The following EXOC2 variants were observed in gnomAD, a reference collection of about 807,000 sequenced individuals.
EXOC2 encodes exocyst complex component 2, also known as SEC5-like 1.
EXOC2 carries 70 observed loss-of-function variants against 131.8 expected under a neutral mutation model. That is an observed-to-expected ratio of 0.53 (90% CI 0.44 to 0.65). The LOEUF is 0.65. EXOC2 is among the 30% of genes least tolerant of loss of function. EXOC2 has a pLI of 0.00. For synonymous variants in EXOC2, 411 were observed against 398.4 expected (o/e 1.03, Z -0.38); for missense variants, 923 against 1,108.6 (o/e 0.83, Z 2.38).
chr6:503,364 A>G (rs371248711), intron 23 of EXOC2, among the ~76,000 whole-genome samples: 97 of 152,310 alleles, frequency 6.4e-4, no homozygotes, highest in Middle Eastern at 3.4e-3. Context: ...GTAAGACCCC[A>G]AAGTGCTTAG....
Position 556,467 on chromosome 6 carries a change from G to C in EXOC2, c.1932+17C>G. The stretch of plus-strand genomic sequence containing the variant: ...CTCCCTGGGAAACTGGAGTCCAAGC[G>C]GAGCTGGAATACTTACACTGGCCTC... On this transcript the variant is annotated intron_variant, in intron 18 of 27. Coordinates refer to ENST00000230449, the MANE Select transcript of EXOC2 (RefSeq NM_018303.6). 1 of 1,612,894 alleles carries C rather than the reference G, an allele frequency of 6.2e-7. No homozygotes were observed. Among genetic ancestry groups the C allele is most frequent in the Non-Finnish European group, 8.5e-7 (1 of 1,179,436 alleles).
chr6:531,833 G>A (rs950128251), intron 23 of EXOC2, among the ~76,000 whole-genome samples: 14 of 152,256 alleles, frequency 9.2e-5, no homozygotes, highest in African/African-American at 2.6e-4. Context: ...GGTATTCCAC[G>A]TTATTTCATA....
In EXOC2 at chr6:597,793, CAG is replaced by C. The variant is rs545594898; in HGVS notation, c.1073+226_1073+227del. 9.2e-5 allele frequency among the ~76,000 whole-genome samples: 14 copies of C among 152,280 alleles called. No homozygotes were observed. The East Asian group carries it at 1.7e-3, about 19-fold the overall frequency. ...ACTACTTTTCCTTTCCCGAAAATGG[CAG>C]AGTTTTCTCAAAAAGTGAGTAACTC... is the stretch of plus-strand genomic sequence containing the variant. On this transcript the variant is annotated intron_variant, in intron 10 of 27. Coordinates refer to ENST00000230449, the MANE Select transcript of EXOC2 (RefSeq NM_018303.6).
intron 27 of EXOC2, among the ~76,000 whole-genome samples, chr6:488,726 G>C (rs1446465187): frequency 3.3e-5 from 5 of 152,042 alleles, no homozygotes; most frequent in Non-Finnish European, 7.4e-5. Context: ...CACTTGAAAC[G>C]AGAGCCAACT....
intron 2 of EXOC2, among the ~76,000 whole-genome samples, chr6:636,401 T>G (rs1427588005): frequency 2.0e-5 from 3 of 152,234 alleles, no homozygotes; most frequent in African/African-American, 7.2e-5. Context: ...GACTGTAACC[T>G]TTGTCCATGG....
At chr6:594,063 G>T (rs1253764774) in intron 10 of EXOC2, among the ~76,000 whole-genome samples, 1 of 152,224 alleles carries the variant, frequency 6.6e-6, no homozygotes, top group Non-Finnish European at 1.5e-5. Context: ...CCACCTACAG[G>T]TTGCAAACAG....
intron 23 of EXOC2, among the ~76,000 whole-genome samples, chr6:522,882 G>A (rs919488078): frequency 6.6e-6 from 1 of 152,236 alleles, no homozygotes; most frequent in African/African-American, 2.4e-5. Context: ...ACCAGGAACG[G>A]CTGGTATGAA....
At chr6:587,497 G>C (rs1455663533) in intron 11 of EXOC2, among the ~76,000 whole-genome samples, 1 of 152,186 alleles carries the variant, frequency 6.6e-6, no homozygotes. Flanking sequence ...GCCAGCCTCA[G>C]CCTCCCAAAG....
At chr6:531,098 G>A (rs1383001991) in intron 23 of EXOC2, among the ~76,000 whole-genome samples, 1 of 152,166 alleles carries the variant, frequency 6.6e-6, no homozygotes, top group African/African-American at 2.4e-5. Flanking sequence ...GCCTCAGGGA[G>A]AATGAGCCTC....
intron 11 of EXOC2, among the ~76,000 whole-genome samples, chr6:590,465 G>A (rs1759479340): frequency 6.6e-6 from 1 of 152,042 alleles, no homozygotes. Context: ...AAACAACGGC[G>A]ACCTCTCCAT....
chr6:574,407 ACACT>A (rs529701688), intron 12 of EXOC2, among the ~76,000 whole-genome samples: 99 of 152,262 alleles, frequency 6.5e-4, no homozygotes, highest in Middle Eastern at 6.8e-3. Flanking sequence ...AAAACGATAA[ACACT>A]CAGAGTTTTT....
intron 24 of EXOC2, 107 bp downstream of exon 24, chr6:499,538 A>T: frequency 1.1e-6 from 1 of 920,824 alleles, no homozygotes; most frequent in Non-Finnish European, 1.7e-6. Context: ...CCCAAGACAC[A>T]TTCTGAGGGA....
intron 24 of EXOC2, among the ~76,000 whole-genome samples, chr6:498,223 T>C (rs1290180298): frequency 6.6e-6 from 1 of 152,210 alleles, no homozygotes; most frequent in African/African-American, 2.4e-5. Flanking sequence ...TAAGATTATG[T>C]AGCAAATAGT....
intron 1 of EXOC2, among the ~76,000 whole-genome samples, chr6:687,471 A>G (rs760726612): frequency 1.3e-5 from 2 of 152,098 alleles, no homozygotes; most frequent in Non-Finnish European, 2.9e-5. Flanking sequence ...GCACTGAGCC[A>G]CTGAACTTAT....
chr6:485,565 G>T lies in EXOC2; in HGVS notation c.*1106C>A, dbSNP rs1199396799. 2 of 152,216 alleles carry T rather than the reference G, an allele frequency of 1.3e-5. No homozygotes were observed. Among genetic ancestry groups the T allele is most frequent in the African/African-American group, 4.8e-5 (2 of 41,460 alleles). 9.4% of individuals were successfully genotyped at this position (152,216 alleles called of 1,614,324 possible). A position where few individuals can be genotyped will look rare whatever the true frequency, so the allele number is the denominator to read the frequency against. On this transcript the variant is annotated 3_prime_UTR_variant, in exon 28 of 28. Coordinates refer to ENST00000230449, the MANE Select transcript of EXOC2 (RefSeq NM_018303.6). Reference sequence around the variant, plus strand: ...TCTCTGAAAATTTTCAGATGCGACGGTATGAGGGAGTTGGGTGGGCCGCTG... The same window carrying T: ...TCTCTGAAAATTTTCAGATGCGACGTTATGAGGGAGTTGGGTGGGCCGCTG...
At position 667,905 on chromosome 6, in the gene EXOC2, C is replaced by G. The variant is rs142977271; in HGVS notation, c.-44+25114G>C. ...TCCATCCATCCATCCATCCATCCATCCATCCATCCGTCCATATCCTGTTGA... is the reference window on the plus strand; with the variant it reads ...TCCATCCATCCATCCATCCATCCATGCATCCATCCGTCCATATCCTGTTGA... On this transcript the variant is annotated intron_variant, in intron 1 of 27. Coordinates refer to ENST00000230449, the MANE Select transcript of EXOC2 (RefSeq NM_018303.6). 6.6e-3 allele frequency among the ~76,000 whole-genome samples: 1,002 copies of G among 151,834 alleles called. 19 individuals carry two copies. Among genetic ancestry groups the G allele is most frequent in the African/African-American group, 0.023 (952 of 41,310 alleles).
intron 25 of EXOC2, among the ~76,000 whole-genome samples, chr6:494,193 G>A (rs1263995874): frequency 6.6e-6 from 1 of 152,176 alleles, no homozygotes; most frequent in Non-Finnish European, 1.5e-5. Flanking sequence ...AGAAGCTTTT[G>A]CAACAGATTC....
chr6:642,288 T>C (rs1430400602), intron 1 of EXOC2, among the ~76,000 whole-genome samples: 1 of 152,226 alleles, frequency 6.6e-6, no homozygotes, highest in Non-Finnish European at 1.5e-5. Flanking sequence ...TATTTGTTTC[T>C]TCTTTGAAAA....
rs1056706243 is a variant in EXOC2 at position 572,802 on chromosome 6, C to T, written c.1319-158G>A. Among the ~76,000 whole-genome samples, 8 of 152,228 alleles carry T rather than the reference C, an allele frequency of 5.3e-5. No homozygotes were observed. The East Asian group carries it at 7.7e-4, about 15-fold the overall frequency. ...CGCTCGCGGCCCACCTGGCTGACAC[C>T]GGCAGCGGTACGCTCGTCACCAGAC... On this transcript the variant is annotated intron_variant, in intron 12 of 27. Coordinates refer to ENST00000230449, the MANE Select transcript of EXOC2 (RefSeq NM_018303.6).
Sources: gnomAD v4.1 joint callset for allele counts (sites outside exome capture counted in the v4.1 genomes callset) on GRCh38, gnomAD v4.1.1 for gene constraint, MANE v1.5 for transcripts, NCBI Gene and HGNC (gene_info 2026-07-23, HGNC 2026-07-21) for gene names.